MON2: variants seen among roughly 807,000 people sequenced by gnomAD.
MON2 encodes MON2 regulator of endosome-to-Golgi trafficking.
Under a neutral mutation model 208.6 loss-of-function variants are expected in MON2, and 84 were observed. That is an observed-to-expected ratio of 0.40 (90% CI 0.34 to 0.48). The LOEUF is 0.48. Among genes scored for constraint, MON2 ranks in the 20% least tolerant of loss-of-function variants. The pLI, the probability that MON2 is intolerant of heterozygous loss-of-function variation, is 0.59. For missense variants in MON2, 1,611 were observed against 2,015.4 expected (o/e 0.80, Z 3.84); for synonymous variants, 660 against 694.0 (o/e 0.95, Z 0.77).
intron 1 of MON2, 49 bp downstream of exon 1, chr12:62,467,367 C>A: frequency 6.9e-7 from 1 of 1,456,814 alleles, no homozygotes; most frequent in Non-Finnish European, 9.6e-7. Flanking sequence ...ATGCCTGGTC[C>A]TGTTAGACTC....
chr12:62,565,116 A>T (rs942174060), intron 26 of MON2, 121 bp from the exon 27 acceptor site: 3 of 935,202 alleles, frequency 3.2e-6, no homozygotes, highest in Middle Eastern at 6.2e-4. Flanking sequence ...CTCAGAAAAG[A>T]TGGTATAATA....
chr12:62,551,134 C>T (rs1048500623), intron 23 of MON2, among the ~76,000 whole-genome samples: 2 of 152,044 alleles, frequency 1.3e-5, no homozygotes, highest in Admixed American at 6.6e-5. Flanking sequence ...CCTTCAAGAA[C>T]TTATCCTGTG....
chr12:62,537,973 T>C, intron 16 of MON2, 123 bp from the exon 17 acceptor site: 1 of 843,748 alleles, frequency 1.2e-6, no homozygotes, highest in Non-Finnish European at 1.8e-6. Context: ...AGTTTTAGGT[T>C]TTAAAAACCT....
chr12:62,545,110 GT>G, intron 21 of MON2, 102 bp downstream of exon 21: 1 of 658,398 alleles, frequency 1.5e-6, no homozygotes, highest in South Asian at 3.0e-5. Flanking sequence ...TAAGAGTAGG[GT>G]TTTTAACTTA....
At chr12:62,489,945 A>G in intron 2 of MON2, 1 of 660,946 alleles carries the variant, frequency 1.5e-6, no homozygotes, top group African/African-American at 1.9e-5. Flanking sequence ...TTATTTTTTA[A>G]TGGCTGTTAA....
In MON2 at chr12:62,595,083, C is replaced by T. The variant is rs1455128235; in HGVS notation, c.*2334C>T. On this transcript the variant is annotated 3_prime_UTR_variant, in exon 35 of 35. Transcript: ENST00000393630. ...TTTTATGGCACAATTGAGTCTATAA[C>T]CAGCCCTTTAAGCAGTAGTAAAAAT... The T allele has an allele frequency of 6.6e-6, 1 of 151,904 alleles. No homozygotes were observed. The highest frequency in any genetic ancestry group is 1.5e-5 in the Non-Finnish European group (1 of 67,990). 9.4% of individuals were successfully genotyped at this position (151,904 alleles called of 1,614,324 possible). A position where few individuals can be genotyped will look rare whatever the true frequency, so the allele number is the denominator to read the frequency against.
intron 8 of MON2, among the ~76,000 whole-genome samples, chr12:62,513,664 C>T (rs895618106): frequency 1.5e-4 from 23 of 151,814 alleles, no homozygotes; most frequent in Admixed American, 1.0e-3. Flanking sequence ...TGACTTCTGC[C>T]GGCTGAGTGT....
chr12:62,517,539 C>A (rs2071766329), intron 8 of MON2, among the ~76,000 whole-genome samples: 1 of 152,108 alleles, frequency 6.6e-6, no homozygotes, highest in African/African-American at 2.4e-5. Context: ...GTGGGACTCT[C>A]ATGATGGGAT....
intron 8 of MON2, among the ~76,000 whole-genome samples, chr12:62,519,845 T>C (rs558571359): frequency 3.3e-5 from 5 of 152,260 alleles, no homozygotes; most frequent in Middle Eastern, 3.2e-3. Context: ...AGACGGAGTC[T>C]CGCTCTGTCA....
intron 23 of MON2, among the ~76,000 whole-genome samples, chr12:62,551,046 T>C (rs1395370890): frequency 6.6e-6 from 1 of 151,026 alleles, no homozygotes; most frequent in Non-Finnish European, 1.5e-5. Context: ...CAGCCTCCCA[T>C]GTAGCTGGAA....
intron 30 of MON2, among the ~76,000 whole-genome samples, chr12:62,575,248 A>G (rs2074732790): frequency 6.6e-6 from 1 of 152,248 alleles, no homozygotes; most frequent in Admixed American, 6.5e-5. Context: ...AAAATACTTT[A>G]AGGCTCAAAT....
intron 1 of MON2, among the ~76,000 whole-genome samples, chr12:62,467,644 C>G (rs1376530890): frequency 6.6e-6 from 1 of 152,168 alleles, no homozygotes; most frequent in Non-Finnish European, 1.5e-5. Context: ...AATTGAAAAA[C>G]TTGTTTGTTG....
In MON2 at chr12:62,524,435, A is replaced by C; in HGVS notation, c.985-80A>C. 2.5e-6 allele frequency: 3 copies of C among 1,176,514 alleles called. No homozygotes were observed. The South Asian group carries it at 4.2e-5, about 17-fold the overall frequency. The allele number at this position is 1,176,514 out of a possible 1,614,324, so 72.9% of individuals were successfully genotyped here. ...AAGATTTTATTGGTTTGTCCATAGC[A>C]CTAAGTTAAGAATAAGAACACAGTC... On this transcript the variant is annotated intron_variant, in intron 8 of 34. Transcript: ENST00000393630.
Position 62,565,407 on chromosome 12 carries a change from T to C in MON2, c.4176+27T>C, listed in dbSNP as rs1256598352. ...TAATTTACTGTAAATTTTATTTACT[T>C]TGTAAGATTTCATGGCTTATAAATA... On this transcript the variant is annotated intron_variant, in intron 27 of 34. Transcript: ENST00000393630. 4 of 1,562,392 alleles carry C rather than the reference T, an allele frequency of 2.6e-6. No homozygotes were observed. The East Asian group carries it at 6.8e-5, about 26-fold the overall frequency.
Position 62,594,840 on chromosome 12 carries a change from G to A in MON2, c.*2091G>A, listed in dbSNP as rs1260683511. 1 of 152,184 alleles carries A rather than the reference G, an allele frequency of 6.6e-6. No homozygotes were observed. The highest frequency in any genetic ancestry group is 2.4e-5 in the African/African-American group (1 of 41,448). The allele number at this position is 152,184 out of a possible 1,614,324, so 9.4% of individuals were successfully genotyped here. The stretch of plus-strand genomic sequence containing the variant: ...AAATGCCAGTCTTAGTGTGAAGCAA[G>A]TGGGTGGCCCCCTTGGTAGTATAAT... On this transcript the variant is annotated 3_prime_UTR_variant, in exon 35 of 35. Transcript: ENST00000393630.
Position 62,580,303 on chromosome 12 carries a change from C to T in MON2, c.4582C>T (p.Gln1528Ter), listed in dbSNP as rs775543995. The change falls in exon 32 of 35, where the codon CAA becomes TAA. Residue 1528 changes from glutamine (Q) to a stop codon, truncating the protein, a stop_gained. Transcript: ENST00000393630. LOFTEE classifies it high-confidence loss of function. ...RNENIDVEVV[Q>*]LISNEILPYA... The stretch of plus-strand genomic sequence containing the variant: ...TTTGCCTCTTTTGTTTTAGGTAGTT[C>T]AACTTATCAGCAATGAGATACTACC... 4 of 1,609,828 alleles carry T rather than the reference C, an allele frequency of 2.5e-6. No individual in the cohort carries two copies. The highest frequency in any genetic ancestry group is 3.4e-6 in the Non-Finnish European group (4 of 1,177,762).
chr12:62,579,539 T>G, intron 31 of MON2, among the ~76,000 whole-genome samples: 1 of 149,000 alleles, frequency 6.7e-6, no homozygotes, highest in African/African-American at 2.5e-5. Flanking sequence ...CTGGTTAACA[T>G]GGTGAAACCC....
chr12:62,513,176 T>C (rs967165760), intron 8 of MON2, among the ~76,000 whole-genome samples: 6 of 152,218 alleles, frequency 3.9e-5, no homozygotes, highest in Admixed American at 1.3e-4. Flanking sequence ...TTGTTACTTA[T>C]GCAAATCTCT....
In MON2 at chr12:62,594,856, G is replaced by A. The variant is rs1207310650; in HGVS notation, c.*2107G>A. 1 of 152,140 alleles carries A rather than the reference G, an allele frequency of 6.6e-6. No individual in the cohort carries two copies. Among genetic ancestry groups the A allele is most frequent in the East Asian group, 1.9e-4 (1 of 5,184 alleles). 9.4% of individuals were successfully genotyped at this position (152,140 alleles called of 1,614,324 possible). On this transcript the variant is annotated 3_prime_UTR_variant, in exon 35 of 35. Transcript: ENST00000393630. Reference sequence around the variant, plus strand: ...GTGAAGCAAGTGGGTGGCCCCCTTGGTAGTATAATTGGACAGGATTTTCCT... The same window carrying A: ...GTGAAGCAAGTGGGTGGCCCCCTTGATAGTATAATTGGACAGGATTTTCCT...
Sources: allele counts gnomAD v4.1 joint callset (sites outside exome capture counted in the v4.1 genomes callset), GRCh38; gene constraint gnomAD v4.1.1; transcripts MANE v1.5; gene names NCBI Gene and HGNC (gene_info 2026-07-23, HGNC 2026-07-21).